GUCY1A2: variants seen among roughly 807,000 people sequenced by gnomAD.
The protein encoded by GUCY1A2 is guanylate cyclase soluble subunit alpha-2.
In GUCY1A2, 27 loss-of-function variants were observed where a neutral mutation model predicts 63.5. That is an observed-to-expected ratio of 0.43 (90% CI 0.31 to 0.59). The LOEUF is 0.59. Among genes scored for constraint, GUCY1A2 ranks in the 20% least tolerant of loss-of-function variants. The probability of loss-of-function intolerance (pLI) is 0.11; values close to 1 mark genes in which losing one functional copy is unlikely to be tolerated. For synonymous variants in GUCY1A2, 364 were observed against 343.5 expected, an observed-to-expected ratio of 1.06 and a Z score of -0.66; for missense variants, 768 against 913.3, an observed-to-expected ratio of 0.84 and a Z score of 2.05.
At chr11:106,933,585 C>A (rs1251434656) in intron 4 of GUCY1A2, among the ~76,000 whole-genome samples, 1 of 152,166 alleles carries the variant, frequency 6.6e-6, no homozygotes, top group African/African-American at 2.4e-5. Flanking sequence ...CTAGCAATTG[C>A]ATTACTGGTT....
At chr11:106,977,077 G>C (rs1397093154) in intron 3 of GUCY1A2, among the ~76,000 whole-genome samples, 1 of 152,086 alleles carries the variant, frequency 6.6e-6, no homozygotes, top group Admixed American at 6.5e-5. Context: ...TCTAAAAATA[G>C]GGAGCATAAA....
In GUCY1A2 at chr11:106,918,241, T is replaced by C. The variant is rs113672072; in HGVS notation, c.1206+21219A>G. Among the ~76,000 whole-genome samples the C allele has an allele frequency of 5.1e-4, 74 of 144,436 alleles. 3 individuals carry two copies. Among genetic ancestry groups the C allele is most frequent in the African/African-American group, 1.7e-3 (71 of 40,800 alleles). 94.8% of individuals were successfully genotyped at this position (144,436 alleles called of 152,430 possible). On this transcript the variant is annotated intron_variant, in intron 4 of 7. Coordinates refer to ENST00000526355, the MANE Select transcript of GUCY1A2 (RefSeq NM_000855.3). Reference sequence around the variant, plus strand: ...CAGATTTACTTGCAACCACCTGTGTTCTCTCCTTGAAAAAAAATTGTGGTA... The same window carrying C: ...CAGATTTACTTGCAACCACCTGTGTCCTCTCCTTGAAAAAAAATTGTGGTA...
chr11:106,916,984 G>T (rs2119886509), intron 4 of GUCY1A2, among the ~76,000 whole-genome samples: 1 of 145,426 alleles, frequency 6.9e-6, no homozygotes, highest in Non-Finnish European at 1.5e-5. Context: ...GTTGTTCTAG[G>T]AGCTAACTGG....
At chr11:106,740,647 A>T (rs148293312) in intron 6 of GUCY1A2, among the ~76,000 whole-genome samples, 28 of 82,310 alleles carry the variant, frequency 3.4e-4, no homozygotes, top group African/African-American at 1.1e-3. Context: ...GGACCATATC[A>T]CTGTATGTAT....
Position 107,018,129 on chromosome 11 carries a change from G to A in GUCY1A2, c.-74C>T. 9.8e-7 allele frequency: 1 copy of A among 1,019,026 alleles called. No individual in the cohort carries two copies. The highest frequency in any genetic ancestry group is 3.9e-5 in the East Asian group (1 of 25,820). 63.1% of individuals were successfully genotyped at this position (1,019,026 alleles called of 1,614,324 possible). ...GCGGCGGCGGAGGCGGCGGTGGCGG[G>A]ACCGGCAAGCGACAACGTTAAGCGC... On this transcript the variant is annotated 5_prime_UTR_variant, in exon 1 of 8. Transcript: ENST00000526355.
chr11:106,854,299 C>A (rs1333966727), intron 4 of GUCY1A2, among the ~76,000 whole-genome samples: 1 of 152,116 alleles, frequency 6.6e-6, no homozygotes, highest in Non-Finnish European at 1.5e-5. Context: ...GCAGACCAGT[C>A]CCTAGGATCT....
At chr11:106,775,469 C>T (rs933034503) in intron 6 of GUCY1A2, among the ~76,000 whole-genome samples, 14 of 113,494 alleles carry the variant, frequency 1.2e-4, no homozygotes, top group African/African-American at 4.7e-4. Flanking sequence ...GTTAAATTCA[C>T]CAATTACGTT....
At chr11:106,744,516 C>T (rs1456062001) in intron 6 of GUCY1A2, among the ~76,000 whole-genome samples, 1 of 152,154 alleles carries the variant, frequency 6.6e-6, no homozygotes, top group African/African-American at 2.4e-5. Flanking sequence ...TTATCTTGTA[C>T]AAGCTTTCCC....
chr11:106,697,595 A>G (rs1427343290), intron 7 of GUCY1A2, among the ~76,000 whole-genome samples: 2 of 152,210 alleles, frequency 1.3e-5, no homozygotes. Context: ...TATAATATAA[A>G]ATTTTGCCAT....
intron 5 of GUCY1A2, among the ~76,000 whole-genome samples, chr11:106,777,795 G>C (rs1328664046): frequency 6.6e-6 from 1 of 152,046 alleles, no homozygotes; most frequent in Non-Finnish European, 1.5e-5. Flanking sequence ...AAACCTGCAT[G>C]TTCTGCACAT....
intron 1 of GUCY1A2, among the ~76,000 whole-genome samples, chr11:106,986,852 G>C (rs1861408076): frequency 6.6e-6 from 1 of 152,086 alleles, no homozygotes; most frequent in Admixed American, 6.5e-5. Context: ...AAAATATGGA[G>C]TCTGCAACAA....
intron 6 of GUCY1A2, among the ~76,000 whole-genome samples, chr11:106,715,213 C>T (rs964194448): frequency 3.9e-5 from 6 of 152,112 alleles, no homozygotes; most frequent in Non-Finnish European, 7.4e-5. Context: ...AAAAAAAATT[C>T]CTCCTGCAAT....
intron 4 of GUCY1A2, among the ~76,000 whole-genome samples, chr11:106,867,322 C>T (rs11211952): frequency 0.16 from 24,811 of 152,008 alleles, 2,455 homozygotes; most frequent in East Asian, 0.28. Context: ...TTATTTTCTA[C>T]CATTCTGAAA....
At chr11:106,878,588 G>A (rs1859782637) in intron 4 of GUCY1A2, among the ~76,000 whole-genome samples, 1 of 151,884 alleles carries the variant, frequency 6.6e-6, no homozygotes, top group Non-Finnish European at 1.5e-5. Context: ...AAAACACATG[G>A]AAACATAGAT....
At chr11:106,756,930 C>G (rs889205005) in intron 6 of GUCY1A2, among the ~76,000 whole-genome samples, 2 of 152,170 alleles carry the variant, frequency 1.3e-5, no homozygotes, top group African/African-American at 4.8e-5. Context: ...TGGATAATAT[C>G]CTGAAGAGTG....
chr11:106,835,246 G>A (rs1483052955), intron 4 of GUCY1A2, among the ~76,000 whole-genome samples: 1 of 151,744 alleles, frequency 6.6e-6, no homozygotes, highest in Non-Finnish European at 1.5e-5. Context: ...AAAGAAAATA[G>A]AACCTTTATA....
chr11:106,907,848 T>C (rs1860234923), intron 4 of GUCY1A2, among the ~76,000 whole-genome samples: 1 of 152,090 alleles, frequency 6.6e-6, no homozygotes, highest in African/African-American at 2.4e-5. Context: ...CTATTGTGAA[T>C]AGTGCCGCAA....
rs1160764898 is a variant in GUCY1A2, at chr11:106,677,090, G to A, written c.*10459C>T. 9.3e-6 allele frequency: 2 copies of A among 214,014 alleles called. No homozygotes were observed. Among genetic ancestry groups the A allele is most frequent in the Non-Finnish European group, 1.9e-5 (2 of 105,842 alleles). The allele number at this position is 214,014 out of a possible 1,614,324, so 13.3% of individuals were successfully genotyped here. ...CCACAAAGTGTTCAATCATGTGAAA[G>A]TGAAAAAGGGAGGCTCCAGCCCAAA... On this transcript the variant is annotated 3_prime_UTR_variant, in exon 8 of 8. Transcript: ENST00000526355.
chr11:106,929,518 GT>G (rs1172681322), intron 4 of GUCY1A2, among the ~76,000 whole-genome samples: 4 of 151,780 alleles, frequency 2.6e-5, no homozygotes, highest in African/African-American at 4.8e-5. Flanking sequence ...CAGAATCAAA[GT>G]TTTTTTTCAC....
Sources: allele counts gnomAD v4.1 joint callset (sites outside exome capture counted in the v4.1 genomes callset), GRCh38; gene constraint gnomAD v4.1.1; transcripts MANE v1.5; gene names NCBI Gene and HGNC (gene_info 2026-07-23, HGNC 2026-07-21).